Variants in SEPTIN12 observed in about 807,000 individuals in gnomAD.
SEPTIN12 encodes the protein septin-12.
SEPTIN12 carries 42 observed loss-of-function variants against 37.7 expected under a neutral mutation model. That is an observed-to-expected ratio of 1.11 (90% confidence interval 0.87 to 1.44). The LOEUF (loss-of-function observed/expected upper bound fraction) is 1.44. SEPTIN12 is among the 40% of genes most tolerant of loss of function. SEPTIN12 has a pLI of 0.00. For synonymous variants in SEPTIN12, 254 were observed against 196.7 expected, an observed-to-expected ratio of 1.29 and a Z score of -2.44; for missense variants, 613 against 479.2, an observed-to-expected ratio of 1.28 and a Z score of -2.61.
At chr16:4,783,899 TG>T in intron 5 of SEPTIN12, 31 bp downstream of exon 5, 1 of 1,613,384 alleles carries the variant, frequency 6.2e-7, no homozygotes, top group Non-Finnish European at 8.5e-7. Flanking sequence ...CCCGTGCAGG[TG>T]GTCCTCGCCT....
At position 4,777,691 on chromosome 16, in the gene SEPTIN12, T is replaced by C; in HGVS notation, c.*106A>G. On this transcript the variant is annotated 3_prime_UTR_variant, in exon 10 of 10. Transcript: ENST00000268231. ...GCCTTTTGTTTTCAAAGCACAGCTT[T>C]TCATAAAAAGCAAGGCTCACATTTA... is the stretch of plus-strand genomic sequence containing the variant. The C allele has an allele frequency of 1.1e-6, 1 of 881,702 alleles. No individual in the cohort carries two copies. The highest frequency in any genetic ancestry group is 1.7e-6 in the Non-Finnish European group (1 of 588,016). 54.6% of individuals were successfully genotyped at this position (881,702 alleles called of 1,614,324 possible).
At chr16:4,787,428 G>A in intron 2 of SEPTIN12, 52 bp downstream of exon 2, 2 of 1,559,248 alleles carry the variant, frequency 1.3e-6, no homozygotes, top group Non-Finnish European at 1.8e-6. Flanking sequence ...ACACGCCCAG[G>A]CACGCGTAGC....
intron 7 of SEPTIN12, among the ~76,000 whole-genome samples, chr16:4,782,596 C>A (rs1306271517): frequency 6.6e-6 from 1 of 152,002 alleles, no homozygotes; most frequent in African/African-American, 2.4e-5. Context: ...AGTTCCTCCA[C>A]ATCTTCCACA....
chr16:4,780,648 T>C (rs1367164630), intron 7 of SEPTIN12, among the ~76,000 whole-genome samples: 1 of 152,208 alleles, frequency 6.6e-6, no homozygotes, highest in Non-Finnish European at 1.5e-5. Context: ...ATATATGGGT[T>C]TTTACTTCTG....
rs1188641074 is a variant in SEPTIN12, at chr16:4,785,918, C to G, written c.293-30G>C. On this transcript the variant is annotated intron_variant, in intron 3 of 9. Coordinates refer to ENST00000268231, the MANE Select transcript of SEPTIN12 (RefSeq NM_144605.5). ...GGAGGGAGAGCAGAGTCGGGAGAGA[C>G]TGGACCCAGGTGGGATGGGGTGGGG... 4 of 1,282,414 alleles carry G rather than the reference C, an allele frequency of 3.1e-6. No homozygotes were observed. The Admixed American group carries it at 7.6e-5, about 24-fold the overall frequency. 79.4% of individuals were successfully genotyped at this position (1,282,414 alleles called of 1,614,324 possible).
chr16:4,787,613 G>A lies in SEPTIN12; in HGVS notation c.33C>T (p.Cys11=). ...TGGGGCTGGAGGGCTGCGAGGACAG[G>A]CAGGGAGAGGGGGAGCGCCTCAGGG... is the stretch of plus-strand genomic sequence containing the variant. MDPLRRSPSP[C]LSSQPSSPST... is the part of the protein sequence containing the mutation. The change falls in exon 2 of 10, where the codon TGC becomes TGT. Residue 11 remains cysteine (C), a synonymous_variant. Coordinates refer to ENST00000268231, the MANE Select transcript of SEPTIN12 (RefSeq NM_144605.5). The A allele has an allele frequency of 6.2e-7, 1 of 1,601,948 alleles. No homozygotes were observed. The highest frequency in any genetic ancestry group is 1.3e-5 in the African/African-American group (1 of 75,030).
At chr16:4,781,173 C>T (rs774125142) in intron 7 of SEPTIN12, among the ~76,000 whole-genome samples, 3 of 151,346 alleles carry the variant, frequency 2.0e-5, no homozygotes, top group Admixed American at 6.6e-5. Flanking sequence ...GCAGGAGAAT[C>T]GCTTGAACCC....
Position 4,783,930 on chromosome 16 carries a change from C to G in SEPTIN12, c.512+1G>C, listed in dbSNP as rs1427520841. The G allele has an allele frequency of 2.5e-6, 4 of 1,614,148 alleles. No individual in the cohort carries two copies. The East Asian group carries it at 6.7e-5, about 27-fold the overall frequency. On this transcript the variant is annotated splice_donor_variant, in intron 5 of 9. Transcript: ENST00000268231. LOFTEE classifies it high-confidence loss of function. ...TCGCCTTGCAGGTGCAGCCCCCTCACCAGTGCCCAGTGGGTGGTACAAAGT... is the reference window on the plus strand; with the variant it reads ...TCGCCTTGCAGGTGCAGCCCCCTCAGCAGTGCCCAGTGGGTGGTACAAAGT...
chr16:4,779,492 T>C (rs2082349354), intron 8 of SEPTIN12, among the ~76,000 whole-genome samples, 198 bp downstream of exon 8: 1 of 152,204 alleles, frequency 6.6e-6, no homozygotes, highest in African/African-American at 2.4e-5. Flanking sequence ...ATGCCCACTT[T>C]ACTGTGAGGA....
chr16:4,785,994 T>G lies in SEPTIN12; in HGVS notation c.278A>C (p.His93Pro). 1 of 1,613,262 alleles carries G rather than the reference T, an allele frequency of 6.2e-7. No homozygotes were observed. Among genetic ancestry groups the G allele is most frequent in the East Asian group, 2.2e-5 (1 of 44,826 alleles). The change falls in exon 3 of 10, where the codon CAT becomes CCT. Residue 93 changes from histidine (H) to proline (P), a missense_variant. By Grantham distance (77) the His-to-Pro change is moderately conservative. Coordinates refer to ENST00000268231, the MANE Select transcript of SEPTIN12 (RefSeq NM_144605.5). The part of the protein sequence containing the change: ...GVPTPQTLQL[H>P]SLTHVIEEKG... ...GGCTCACTCACCATGGGTCAGTGAA[T>G]GCAGCTGCAGCGTCTGGGGTGTGGG...
rs780752985 is a variant in SEPTIN12, at chr16:4,783,641, C to G, written c.630+8G>C. 6 of 1,613,536 alleles carry G rather than the reference C, an allele frequency of 3.7e-6. No homozygotes were observed. Among genetic ancestry groups the G allele is most frequent in the African/African-American group, 2.7e-5 (2 of 74,934 alleles). ...CTGACCCCAGCCCTGCCCGGGCATC[C>G]AGATCACCCTGCGCCTGAAGGCCTC... On this transcript the variant is annotated splice_region_variant and intron_variant, in intron 6 of 9. Transcript: ENST00000268231.
chr16:4,787,461 G>C lies in SEPTIN12; in HGVS notation c.166+19C>G. 1 of 1,610,262 alleles carries C rather than the reference G, an allele frequency of 6.2e-7. No homozygotes were observed. The highest frequency in any genetic ancestry group is 8.5e-7 in the Non-Finnish European group (1 of 1,179,222). On this transcript the variant is annotated intron_variant, in intron 2 of 9. Coordinates refer to ENST00000268231, the MANE Select transcript of SEPTIN12 (RefSeq NM_144605.5). ...AGCACTGTGGGTCTGTCCTGCCGTG[G>C]GCCCTACCTCTCACTCACCCACCAC... is the stretch of plus-strand genomic sequence containing the variant.
rs183483020 is a variant in SEPTIN12 at position 4,788,143 on chromosome 16, G to A, written c.-23+137C>T. On this transcript the variant is annotated intron_variant, in intron 1 of 9. Transcript: ENST00000268231. The stretch of plus-strand genomic sequence containing the variant: ...ACACACAGCAGAGTTGATAGAGAGC[G>A]AGAAAGACGGCACAGGCATGAAGGT... 190 of 160,586 alleles carry A rather than the reference G, an allele frequency of 1.2e-3. 1 individual carries two copies. The highest frequency in any genetic ancestry group is 4.3e-3 in the African/African-American group (179 of 41,616). 9.9% of individuals were successfully genotyped at this position (160,586 alleles called of 1,614,324 possible).
chr16:4,786,302 G>A (rs1223200918), intron 2 of SEPTIN12, among the ~76,000 whole-genome samples, 197 bp from the exon 3 acceptor site: 1 of 150,336 alleles, frequency 6.7e-6, no homozygotes, highest in Non-Finnish European at 1.5e-5. Flanking sequence ...GGCCTCCCTA[G>A]TAGCTGGGAC....
intron 4 of SEPTIN12, chr16:4,784,411 C>G: frequency 7.0e-6 from 2 of 287,556 alleles, no homozygotes; most frequent in Admixed American, 8.4e-5. Flanking sequence ...CTCCCTCCTC[C>G]TCTTCGAGTC....
chr16:4,787,484 C>T lies in SEPTIN12; in HGVS notation c.162G>A (p.Val54=), dbSNP rs1248537320. The change falls in exon 2 of 10, where the codon GTG becomes GTA. Residue 54 remains valine, a synonymous_variant. Transcript: ENST00000268231. The part of the protein sequence containing the change: ...MKMGFEFNIM[V]VGQSGLGKST... ...TGGGCCCTACCTCTCACTCACCCAC[C>T]ACCATGATGTTGAACTCAAACCCCA... 1 of 1,612,668 alleles carries T rather than the reference C, an allele frequency of 6.2e-7. No individual in the cohort carries two copies. Among genetic ancestry groups the T allele is most frequent in the Admixed American group, 1.7e-5 (1 of 60,006 alleles).
At chr16:4,791,026 G>C (rs1303124903), upstream of SEPTIN12, among the ~76,000 whole-genome samples, 1 of 152,212 alleles carries the variant, frequency 6.6e-6, no homozygotes, top group Non-Finnish European at 1.5e-5. Context: ...AATGGCTCTG[G>C]TGATGGTGAC....
At chr16:4,791,588 G>C (rs899906368), upstream of SEPTIN12, among the ~76,000 whole-genome samples, 16 of 152,092 alleles carry the variant, frequency 1.1e-4, no homozygotes, top group Admixed American at 7.9e-4. Context: ...GCATGCAATC[G>C]AACCTGGGTC....
At position 4,783,501 on chromosome 16, in the gene SEPTIN12, G is replaced by A. The variant is rs138202109; in HGVS notation, c.687C>T (p.Asp229=). The change falls in exon 7 of 10, where the codon GAC becomes GAT. Residue 229 remains aspartate (D), a synonymous_variant. Transcript: ENST00000268231. ...TGAGGATTTTGTCATTGATGTCCTC[G>A]TCAAAGCACATCTGGGGGTAGACGT... ...CIDVYPQMCF[D]EDINDKILNS... is the part of the protein sequence containing the mutation. 341 of 1,614,132 alleles carry A rather than the reference G, an allele frequency of 2.1e-4. No homozygotes were observed. The highest frequency in any genetic ancestry group is 3.3e-4 in the Middle Eastern group (2 of 6,052).
Sources: allele counts gnomAD v4.1 joint callset (sites outside exome capture counted in the v4.1 genomes callset), GRCh38; gene constraint gnomAD v4.1.1; transcripts MANE v1.5; gene names NCBI Gene and HGNC (gene_info 2026-07-23, HGNC 2026-07-21).